CACNB2: variants seen among roughly 807,000 people sequenced by gnomAD.
CACNB2 encodes the protein voltage-dependent L-type calcium channel subunit beta-2.
CACNB2 carries 42 observed loss-of-function variants against 73.3 expected under a neutral mutation model. That is an observed-to-expected ratio of 0.57 (90% CI 0.45 to 0.74). The LOEUF (loss-of-function observed/expected upper bound fraction) is 0.74, where lower values mean the gene tolerates loss of function less well. CACNB2 is among the 30% of genes least tolerant of loss of function. The pLI, the probability that CACNB2 is intolerant of heterozygous loss-of-function variation, is 0.00. For synonymous variants in CACNB2, 348 were observed against 310.3 expected (o/e 1.12, Z -1.28); for missense variants, 940 against 853.0 (o/e 1.10, Z -1.27).
chr10:18,536,665 C>T (rs2053634319), intron 12 of CACNB2, among the ~76,000 whole-genome samples: 2 of 152,182 alleles, frequency 1.3e-5, no homozygotes. Flanking sequence ...GTCCTCCCTC[C>T]TTCCATGATC....
At chr10:18,357,953 T>C (rs561787130) in intron 2 of CACNB2, among the ~76,000 whole-genome samples, 1 of 152,328 alleles carries the variant, frequency 6.6e-6, no homozygotes, top group South Asian at 2.1e-4. Flanking sequence ...GGAATCATAT[T>C]TGCCTCATCT....
chr10:18,373,903 A>C (rs1451907027), intron 2 of CACNB2, among the ~76,000 whole-genome samples: 2 of 152,230 alleles, frequency 1.3e-5, no homozygotes, highest in East Asian at 3.8e-4. Context: ...AAGATGTAAA[A>C]ACAGAGAATA....
rs773902909 is a variant in CACNB2 at position 18,265,657 on chromosome 10, CGT to C, written c.213+114686_213+114687del. On this transcript the variant is annotated intron_variant, in intron 2 of 13. Coordinates refer to ENST00000324631, the MANE Select transcript of CACNB2 (RefSeq NM_201596.3). ...AATTTTGATATAATCATTTACTTACCGTGTGATAGTGGGGTTCTTTTCTTTCT... is the reference window on the plus strand; with the variant it reads ...AATTTTGATATAATCATTTACTTACCGTGATAGTGGGGTTCTTTTCTTTCT... Among the ~76,000 whole-genome samples, 81 of 152,230 alleles carry C rather than the reference CGT, an allele frequency of 5.3e-4. No homozygotes were observed. In the Middle Eastern group the frequency reaches 0.01, roughly 19 times the overall value.
intron 5 of CACNB2, among the ~76,000 whole-genome samples, chr10:18,504,793 C>G (rs1419273722): frequency 6.6e-6 from 1 of 152,060 alleles, no homozygotes; most frequent in Non-Finnish European, 1.5e-5. Flanking sequence ...TACAGGCATG[C>G]ACCACCACGC....
At chr10:18,400,913 G>A in intron 2 of CACNB2, 3 of 1,564,872 alleles carry the variant, frequency 1.9e-6, no homozygotes, top group Non-Finnish European at 2.6e-6. Flanking sequence ...AAGGGACGGA[G>A]AACAGGGGCT....
chr10:18,163,762 T>C (rs1330778308), intron 2 of CACNB2, among the ~76,000 whole-genome samples: 1 of 151,724 alleles, frequency 6.6e-6, no homozygotes, highest in Admixed American at 6.6e-5. Flanking sequence ...AGTGGTAGAG[T>C]GGGTGGGAAT....
chr10:18,504,208 A>C (rs2050363851), intron 5 of CACNB2, among the ~76,000 whole-genome samples: 1 of 152,196 alleles, frequency 6.6e-6, no homozygotes, highest in Non-Finnish European at 1.5e-5. Flanking sequence ...ATTAGATCTT[A>C]CAGGTCACAG....
intron 3 of CACNB2, among the ~76,000 whole-genome samples, chr10:18,405,054 T>C (rs2044211308): frequency 6.6e-6 from 1 of 152,244 alleles, no homozygotes; most frequent in South Asian, 2.1e-4. Context: ...GATATTACCT[T>C]AAAGACAAGT....
intron 2 of CACNB2, among the ~76,000 whole-genome samples, chr10:18,173,715 T>G (rs966264314): frequency 1.3e-5 from 2 of 152,242 alleles, no homozygotes; most frequent in Non-Finnish European, 2.9e-5. Context: ...TTCTAACCTT[T>G]TAGTATGATA....
intron 6 of CACNB2, among the ~76,000 whole-genome samples, chr10:18,507,113 T>C (rs2050532829): frequency 6.6e-6 from 1 of 152,166 alleles, no homozygotes; most frequent in Non-Finnish European, 1.5e-5. Context: ...TAACCTTTAA[T>C]CCCTAGTTCC....
At chr10:18,264,379 AC>A (rs1176287954) in intron 2 of CACNB2, among the ~76,000 whole-genome samples, 1 of 152,244 alleles carries the variant, frequency 6.6e-6, no homozygotes, top group Admixed American at 6.5e-5. Flanking sequence ...AGTATAACAT[AC>A]ATGCAGAAAA....
intron 3 of CACNB2, among the ~76,000 whole-genome samples, chr10:18,442,341 G>A (rs1462523099): frequency 6.6e-6 from 1 of 151,692 alleles, no homozygotes; most frequent in East Asian, 2.0e-4. Flanking sequence ...AGTAGAGATG[G>A]GTTTCACCAT....
At chr10:18,472,697 C>T (rs2048255546) in intron 3 of CACNB2, among the ~76,000 whole-genome samples, 1 of 152,180 alleles carries the variant, frequency 6.6e-6, no homozygotes, top group Admixed American at 6.5e-5. Flanking sequence ...TCTGATACAA[C>T]CACATCTCCT....
At chr10:18,298,318 C>T (rs1051010864) in intron 2 of CACNB2, among the ~76,000 whole-genome samples, 5 of 150,834 alleles carry the variant, frequency 3.3e-5, no homozygotes, top group Admixed American at 6.6e-5. Context: ...TGCAGTGAGC[C>T]GAGATTACGC....
intron 2 of CACNB2, among the ~76,000 whole-genome samples, chr10:18,222,914 G>A (rs1470175831): frequency 1.3e-5 from 2 of 152,184 alleles, no homozygotes; most frequent in African/African-American, 4.8e-5. Flanking sequence ...TCCAGCCTGG[G>A]CGACAGAGTG....
intron 3 of CACNB2, among the ~76,000 whole-genome samples, chr10:18,406,952 CAT>C (rs2044320920): frequency 6.6e-6 from 1 of 152,038 alleles, no homozygotes; most frequent in South Asian, 2.1e-4. Flanking sequence ...AGCAAGAAAA[CAT>C]AGACCCTTTC....
At chr10:18,448,649 G>C (rs2046863658) in intron 3 of CACNB2, among the ~76,000 whole-genome samples, 2 of 152,108 alleles carry the variant, frequency 1.3e-5, no homozygotes, top group Admixed American at 6.5e-5. Context: ...TTTCTAACAA[G>C]TTCCCAGGTG....
At chr10:18,185,573 G>A (rs1354002068) in intron 2 of CACNB2, among the ~76,000 whole-genome samples, 1 of 152,148 alleles carries the variant, frequency 6.6e-6, no homozygotes, top group Non-Finnish European at 1.5e-5. Flanking sequence ...TTCTAGCAGG[G>A]TACTTGTTTT....
At chr10:18,348,302 A>G (rs2041554365) in intron 2 of CACNB2, among the ~76,000 whole-genome samples, 1 of 152,204 alleles carries the variant, frequency 6.6e-6, no homozygotes, top group Non-Finnish European at 1.5e-5. Context: ...TTCAATTTAG[A>G]ATACTTACTG....
Sources: allele counts gnomAD v4.1 joint callset (sites outside exome capture counted in the v4.1 genomes callset), GRCh38; gene constraint gnomAD v4.1.1; transcripts MANE v1.5; gene names NCBI Gene and HGNC (gene_info 2026-07-23, HGNC 2026-07-21).